The following PTGFRN variants were observed in gnomAD, a reference collection of about 807,000 sequenced individuals.
PTGFRN encodes prostaglandin F2 receptor inhibitor.
PTGFRN carries 35 observed loss-of-function variants against 83.2 expected under a neutral mutation model. The ratio of observed to expected loss-of-function variants is 0.42; its 90% CI spans 0.32 to 0.56. The LOEUF is 0.56. PTGFRN is among the 20% of genes least tolerant of loss of function. The pLI is 0.11. For synonymous variants in PTGFRN, 519 were observed against 498.6 expected (o/e 1.04, Z -0.55); for missense variants, 1,051 against 1,179.5 (o/e 0.89, Z 1.60).
intron 1 of PTGFRN, among the ~76,000 whole-genome samples, chr1:116,915,048 A>T (rs1176225404): frequency 1.3e-5 from 2 of 152,214 alleles, no homozygotes; most frequent in African/African-American, 4.8e-5. Flanking sequence ...AAGTTAGTTA[A>T]CTTGTCTAGA....
rs1244618563 is a variant in PTGFRN, at chr1:116,987,684, G to A, written c.*717G>A. 5 of 151,686 alleles carry A rather than the reference G, an allele frequency of 3.3e-5. No individual in the cohort carries two copies. The Admixed American group carries it at 3.3e-4, about 10-fold the overall frequency. 9.4% of individuals were successfully genotyped at this position (151,686 alleles called of 1,614,324 possible). On this transcript the variant is annotated 3_prime_UTR_variant, in exon 9 of 9. Coordinates refer to ENST00000393203, the MANE Select transcript of PTGFRN (RefSeq NM_020440.4). ...AATCTACAATTTGGCTCTCCACTGA[G>A]CACCTTATCTTGCCACCTTAGCCTT...
chr1:116,966,221 A>G (rs1461534550), intron 5 of PTGFRN, among the ~76,000 whole-genome samples: 2 of 152,274 alleles, frequency 1.3e-5, no homozygotes, highest in African/African-American at 4.8e-5. Context: ...ACAGAGACAC[A>G]AGGAGTAATC....
rs1381044105 is a variant in PTGFRN at position 116,945,105 on chromosome 1, C to T, written c.832+13C>T. ...ATCCAGCCATCAGGTGAGCTGGAAA[C>T]GATGCGTTATAGGTGATGTTATTTT... On this transcript the variant is annotated intron_variant, in intron 3 of 8. Coordinates refer to ENST00000393203, the MANE Select transcript of PTGFRN (RefSeq NM_020440.4). 6.2e-7 allele frequency: 1 copy of T among 1,605,744 alleles called. No individual in the cohort carries two copies. Among genetic ancestry groups the T allele is most frequent in the African/African-American group, 1.3e-5 (1 of 74,944 alleles).
chr1:116,922,088 G>A (rs1427744401), intron 1 of PTGFRN, among the ~76,000 whole-genome samples: 4 of 152,120 alleles, frequency 2.6e-5, no homozygotes, highest in Admixed American at 2.6e-4. Context: ...AAGAATGTGA[G>A]CAAAGTCACC....
intron 1 of PTGFRN, among the ~76,000 whole-genome samples, chr1:116,922,955 C>T (rs908086826): frequency 2.0e-5 from 3 of 152,134 alleles, no homozygotes; most frequent in African/African-American, 7.2e-5. Context: ...GCCTCATTTC[C>T]TCAGTGAAAT....
intron 7 of PTGFRN, among the ~76,000 whole-genome samples, chr1:116,979,612 A>C (rs1318239453): frequency 4.6e-5 from 7 of 152,282 alleles, no homozygotes; most frequent in East Asian, 1.9e-4. Context: ...GAAAAACAAG[A>C]CATGGGGAAA....
chr1:116,910,318 C>A (rs1403797976), intron 1 of PTGFRN, 66 bp downstream of exon 1: 7 of 1,236,634 alleles, frequency 5.7e-6, no homozygotes, highest in Non-Finnish European at 7.1e-6. Context: ...CTCGGCGGGG[C>A]GCGGCTGCAG....
chr1:116,969,284 A>G (rs1414701236), intron 6 of PTGFRN, among the ~76,000 whole-genome samples: 1 of 152,138 alleles, frequency 6.6e-6, no homozygotes, highest in Non-Finnish European at 1.5e-5. Flanking sequence ...GTATGTGGTT[A>G]AGAAGAAGGA....
At chr1:116,947,145 C>T (rs1033879765) in intron 3 of PTGFRN, among the ~76,000 whole-genome samples, 5 of 152,182 alleles carry the variant, frequency 3.3e-5, no homozygotes, top group Non-Finnish European at 7.3e-5. Context: ...GCTGATGGTC[C>T]TTCTCTTCTT....
intron 3 of PTGFRN, among the ~76,000 whole-genome samples, chr1:116,948,511 G>T (rs1447676447): frequency 1.3e-5 from 2 of 152,190 alleles, no homozygotes; most frequent in Non-Finnish European, 2.9e-5. Context: ...ATTACATTTT[G>T]AAGACTTGAC....
intron 4 of PTGFRN, among the ~76,000 whole-genome samples, chr1:116,959,745 G>A (rs564553112): frequency 6.6e-6 from 1 of 152,026 alleles, no homozygotes; most frequent in Non-Finnish European, 1.5e-5. Context: ...AGGCTGAGGT[G>A]GGCAGATCAC....
At chr1:116,924,877 T>G (rs1570646764) in intron 1 of PTGFRN, among the ~76,000 whole-genome samples, 3 of 150,880 alleles carry the variant, frequency 2.0e-5, no homozygotes, top group Non-Finnish European at 3.0e-5. Context: ...GGGCTGGGGG[T>G]GTGGTGATGA....
At chr1:116,910,745 C>T (rs1649249078) in intron 1 of PTGFRN, among the ~76,000 whole-genome samples, 1 of 152,144 alleles carries the variant, frequency 6.6e-6, no homozygotes, top group South Asian at 2.1e-4. Context: ...CGAGAGAATC[C>T]TCCAACTTCC....
chr1:116,928,363 T>G (rs1374691881), intron 1 of PTGFRN, among the ~76,000 whole-genome samples: 1 of 152,208 alleles, frequency 6.6e-6, no homozygotes, highest in Non-Finnish European at 1.5e-5. Context: ...ATTCCCTGAT[T>G]TTGAACATTC....
At chr1:116,968,576 C>G (rs1239771534) in intron 6 of PTGFRN, among the ~76,000 whole-genome samples, 1 of 152,018 alleles carries the variant, frequency 6.6e-6, no homozygotes, top group Non-Finnish European at 1.5e-5. Context: ...ATAAAATTTA[C>G]TATATATAGA....
chr1:116,965,366 A>G (rs1650794081), intron 5 of PTGFRN, among the ~76,000 whole-genome samples: 1 of 152,086 alleles, frequency 6.6e-6, no homozygotes, highest in African/African-American at 2.4e-5. Flanking sequence ...TGGCACCATC[A>G]TAACTCGTTG....
intron 7 of PTGFRN, among the ~76,000 whole-genome samples, chr1:116,979,114 T>A (rs1651238360): frequency 6.6e-6 from 1 of 152,142 alleles, no homozygotes; most frequent in East Asian, 1.9e-4. Flanking sequence ...TGAACTCCCA[T>A]TCACAGTTGC....
At chr1:116,973,774 A>G in intron 6 of PTGFRN, among the ~76,000 whole-genome samples, 1 of 152,080 alleles carries the variant, frequency 6.6e-6, no homozygotes, top group Non-Finnish European at 1.5e-5. Flanking sequence ...CCCTTTCCCC[A>G]GCACCCAGCA....
intron 3 of PTGFRN, among the ~76,000 whole-genome samples, chr1:116,948,601 C>G (rs1570660294): frequency 2.0e-5 from 3 of 152,338 alleles, no homozygotes. Context: ...CAGTTTCACC[C>G]TCACTTCTGC....
Sources: gnomAD v4.1 joint callset for allele counts (sites outside exome capture counted in the v4.1 genomes callset) on GRCh38, gnomAD v4.1.1 for gene constraint, MANE v1.5 for transcripts, NCBI Gene and HGNC (gene_info 2026-07-23, HGNC 2026-07-21) for gene names.